The following PHF24 variants were observed in gnomAD, a reference collection of about 807,000 sequenced individuals.
The protein encoded by PHF24 is Galpha inhibitory interacting protein.
PHF24 carries 25 observed loss-of-function variants against 42.6 expected under a neutral mutation model. The observed-to-expected ratio is 0.59, with a 90% confidence interval of 0.43 to 0.82. The LOEUF is 0.82. PHF24 is among the 40% of genes least tolerant of loss of function. The pLI, the probability that PHF24 is intolerant of heterozygous loss-of-function variation, is 0.00. For missense variants in PHF24, 470 were observed against 538.1 expected (o/e 0.87, Z 1.25); for synonymous variants, 185 against 204.8 (o/e 0.90, Z 0.83).
the PHF24 span, among the ~76,000 whole-genome samples, chr9:34,817,828 A>G: frequency 3.3e-5 from 5 of 152,314 alleles, no homozygotes; most frequent in Middle Eastern, 3.4e-3. Flanking sequence ...AGAATATGCA[A>G]TTGTTCTAGT....
chr9:34,832,369 G>T, the PHF24 span: 2 of 864,908 alleles, frequency 2.3e-6, no homozygotes, highest in East Asian at 2.7e-5. Context: ...GGGTGGCCTG[G>T]GGTTGAGGCA....
the PHF24 span, among the ~76,000 whole-genome samples, chr9:34,913,230 G>GAGAA: frequency 6.6e-6 from 1 of 152,142 alleles, no homozygotes; most frequent in Non-Finnish European, 1.5e-5. Context: ...CACGTCAGTG[G>GAGAA]AATTCCAGGA....
the PHF24 span, chr9:34,835,557 G>T: frequency 6.4e-7 from 1 of 1,551,708 alleles, no homozygotes; most frequent in Non-Finnish European, 8.7e-7. Flanking sequence ...TGCTGGCCTT[G>T]GTTTCCCTGG....
At chr9:34,875,950 ACTCTCTCTCTCT>A in the PHF24 span, among the ~76,000 whole-genome samples, 9,368 of 78,318 alleles carry the variant, frequency 0.12, 494 homozygotes, top group African/African-American at 0.18. Context: ...ACACACACAC[ACTCTCTCTCTCT>A]CTCTCTCTCT....
the PHF24 span, among the ~76,000 whole-genome samples, chr9:34,850,297 A>G: frequency 3.6e-4 from 54 of 151,886 alleles, 1 homozygote; most frequent in South Asian, 1.5e-3. Context: ...GGCTTTGTTC[A>G]TTTCTTTTTA....
chr9:34,925,839 A>T, the PHF24 span, among the ~76,000 whole-genome samples: 2 of 152,084 alleles, frequency 1.3e-5, no homozygotes, highest in African/African-American at 4.8e-5. Context: ...TTTAGAGGTG[A>T]CATGTTTTCT....
At chr9:34,864,838 A>C in the PHF24 span, among the ~76,000 whole-genome samples, 1 of 152,186 alleles carries the variant, frequency 6.6e-6, no homozygotes, top group Non-Finnish European at 1.5e-5. Context: ...ACTTTTCAAA[A>C]CATGGACAGT....
In PHF24 at chr9:34,978,005, T is replaced by C. The variant is rs375326797; in HGVS notation, c.1107-10T>C. On this transcript the variant is annotated splice_polypyrimidine_tract_variant and intron_variant, in intron 7 of 7. Transcript: ENST00000242315. Reference sequence around the variant, plus strand: ...CAGCCTCACGACTCTGTTCTTTGCTTCCACTCCAGATTTGTGGACTGGCCT... The same window carrying C: ...CAGCCTCACGACTCTGTTCTTTGCTCCCACTCCAGATTTGTGGACTGGCCT... The C allele has an allele frequency of 5.4e-5, 87 of 1,607,546 alleles. 1 individual carries two copies. The African/African-American group carries it at 1.0e-3, about 19-fold the overall frequency.
the PHF24 span, chr9:34,835,424 C>T: frequency 3.9e-6 from 6 of 1,551,562 alleles, no homozygotes; most frequent in Non-Finnish European, 5.2e-6. Flanking sequence ...CTCAAGAAGC[C>T]TCAGCACTTC....
At chr9:34,870,737 AGACATG>A in the PHF24 span, among the ~76,000 whole-genome samples, 1 of 152,116 alleles carries the variant, frequency 6.6e-6, no homozygotes, top group Admixed American at 6.6e-5. Context: ...ACAATGGCAA[AGACATG>A]GAATCAACCC....
At chr9:34,700,950 G>A in the PHF24 span, among the ~76,000 whole-genome samples, 4 of 152,148 alleles carry the variant, frequency 2.6e-5, no homozygotes, top group Non-Finnish European at 5.9e-5. Flanking sequence ...AATGGGGGTG[G>A]GGGACTGGAG....
At chr9:34,886,387 C>G in the PHF24 span, among the ~76,000 whole-genome samples, 1 of 152,140 alleles carries the variant, frequency 6.6e-6, no homozygotes, top group Non-Finnish European at 1.5e-5. Flanking sequence ...TGAATCCACT[C>G]CAGTCACATC....
chr9:34,877,350 A>G, the PHF24 span, among the ~76,000 whole-genome samples: 1 of 152,122 alleles, frequency 6.6e-6, no homozygotes, highest in East Asian at 1.9e-4. Context: ...ACATTACACT[A>G]AGTGAAATAA....
At chr9:34,857,524 A>T in the PHF24 span, among the ~76,000 whole-genome samples, 7 of 152,210 alleles carry the variant, frequency 4.6e-5, no homozygotes, top group African/African-American at 1.7e-4. Context: ...ACAATCACTC[A>T]CTGCTTCCCT....
chr9:34,851,251 C>T, the PHF24 span, among the ~76,000 whole-genome samples: 1 of 152,290 alleles, frequency 6.6e-6, no homozygotes, highest in East Asian at 1.9e-4. Context: ...TGGTGGGCTC[C>T]ACCCAGTTCA....
the PHF24 span, among the ~76,000 whole-genome samples, chr9:34,904,256 C>G: frequency 1.1e-4 from 16 of 152,132 alleles, no homozygotes; most frequent in Non-Finnish European, 2.9e-5. Context: ...ACTTCCAGTA[C>G]TATGTTGAAG....
the PHF24 span, chr9:34,837,076 CAG>C: frequency 2.1e-6 from 1 of 471,460 alleles, no homozygotes; most frequent in East Asian, 6.9e-5. Flanking sequence ...CTTTTCATGA[CAG>C]AGAACAGCTC....
At chr9:34,938,623 T>C in the PHF24 span, among the ~76,000 whole-genome samples, 2 of 152,124 alleles carry the variant, frequency 1.3e-5, no homozygotes, top group Admixed American at 6.5e-5. Context: ...ATCTATAAAA[T>C]GGGTTAAAAA....
the PHF24 span, among the ~76,000 whole-genome samples, chr9:34,731,122 A>G: frequency 6.6e-6 from 1 of 152,056 alleles, no homozygotes; most frequent in Non-Finnish European, 1.5e-5. Context: ...TCTCTCTTTT[A>G]AAAAATGTTT....
Sources: allele counts gnomAD v4.1 joint callset (sites outside exome capture counted in the v4.1 genomes callset), GRCh38; gene constraint gnomAD v4.1.1; transcripts MANE v1.5; gene names NCBI Gene and HGNC (gene_info 2026-07-23, HGNC 2026-07-21).